The following PALM2AKAP2 variants were observed in gnomAD, a reference collection of about 807,000 sequenced individuals.
The protein encoded by PALM2AKAP2 is PALM2-AKAP2 fusion protein.
In PALM2AKAP2, 37 loss-of-function variants were observed where a neutral mutation model predicts 71.5. The observed-to-expected ratio is 0.52, with a 90% CI of 0.40 to 0.68. The LOEUF is 0.68. PALM2AKAP2 is among the 30% of genes least tolerant of loss of function. The pLI is 0.00. For synonymous variants in PALM2AKAP2, 468 were observed against 478.8 expected (o/e 0.98, Z 0.29); for missense variants, 1,224 against 1,191.8 (o/e 1.03, Z -0.40).
chr9:109,896,356 C>T lies in PALM2AKAP2; in HGVS notation c.257+15675C>T, dbSNP rs118135334. On this transcript the variant is annotated intron_variant, in intron 3 of 9. Coordinates refer to the PALM2AKAP2 transcript ENST00000302798. ...ATTCAAGATGAGATTTGGATGGGGA[C>T]ACAACGAAACCATATCAAATATTAA... is the stretch of plus-strand genomic sequence containing the variant. Among the ~76,000 whole-genome samples, 924 of 152,124 alleles carry T rather than the reference C, an allele frequency of 6.1e-3. 9 individuals carry two copies. Among genetic ancestry groups the T allele is most frequent in the East Asian group, 0.029 (149 of 5,174 alleles).
chr9:109,769,236 A>T (rs545125438), intron 1 of PALM2AKAP2, among the ~76,000 whole-genome samples: 1 of 152,314 alleles, frequency 6.6e-6, no homozygotes, highest in African/African-American at 2.4e-5. Context: ...CAATGGTCAT[A>T]TTCTTAGCAA....
At chr9:110,091,697 C>T (rs1214065202) in intron 1 of PALM2AKAP2, among the ~76,000 whole-genome samples, 1 of 152,018 alleles carries the variant, frequency 6.6e-6, no homozygotes, top group Non-Finnish European at 1.5e-5. Context: ...CTCCTGACCT[C>T]ATGATCTGCC....
rs186686963 is a variant in PALM2AKAP2 at position 110,166,961 on chromosome 9, C to T, written c.2749-1438C>T. ...AAGAAAAAGAGGTTTAATGGACTCACAGTTCCACATGGCTGGGGAGGCCTC... is the reference window on the plus strand; with the variant it reads ...AAGAAAAAGAGGTTTAATGGACTCATAGTTCCACATGGCTGGGGAGGCCTC... On this transcript the variant is annotated intron_variant, in intron 3 of 3. Coordinates refer to ENST00000374525, the Ensembl canonical transcript of PALM2AKAP2. Among the ~76,000 whole-genome samples, 206 of 152,288 alleles carry T rather than the reference C, an allele frequency of 1.4e-3. 2 individuals carry two copies. Among genetic ancestry groups the T allele is most frequent in the African/African-American group, 4.9e-3 (202 of 41,566 alleles).
At chr9:109,813,281 A>T (rs1587929578) in intron 1 of PALM2AKAP2, among the ~76,000 whole-genome samples, 1 of 152,246 alleles carries the variant, frequency 6.6e-6, no homozygotes, top group Admixed American at 6.5e-5. Flanking sequence ...GAGCTACACA[A>T]CATTAAAAGA....
intron 1 of PALM2AKAP2, among the ~76,000 whole-genome samples, chr9:110,075,434 C>G (rs1834298464): frequency 6.6e-6 from 1 of 151,972 alleles, no homozygotes; most frequent in African/African-American, 2.4e-5. Context: ...AAAAATAATG[C>G]ATGCTTATTA....
intron 1 of PALM2AKAP2, chr9:109,862,809 T>C: frequency 2.2e-6 from 1 of 463,444 alleles, no homozygotes; most frequent in Non-Finnish European, 4.3e-6. Context: ...AGATGAATTG[T>C]TTTTTGTCAA....
chr9:110,060,093 ATTTTGTTTTTGT>A (rs74631739), intron 1 of PALM2AKAP2, among the ~76,000 whole-genome samples: 32,226 of 150,340 alleles, frequency 0.21, 3,876 homozygotes, highest in Middle Eastern at 0.35. Flanking sequence ...GGGGCCAGGT[ATTTTGTTTTTGT>A]TTTTGTTTTT....
At chr9:110,067,976 G>A (rs964821844) in intron 1 of PALM2AKAP2, among the ~76,000 whole-genome samples, 4 of 151,090 alleles carry the variant, frequency 2.6e-5, no homozygotes, top group Non-Finnish European at 4.4e-5. Flanking sequence ...GAATAATGAC[G>A]AGGCTGCAGT....
intron 1 of PALM2AKAP2, among the ~76,000 whole-genome samples, chr9:109,691,623 T>A (rs1022479548): frequency 2.0e-5 from 3 of 151,446 alleles, no homozygotes; most frequent in Non-Finnish European, 4.4e-5. Context: ...TCATTCAGTC[T>A]TTTGGAAGTT....
At chr9:109,958,186 A>G (rs1831784319) in intron 6 of PALM2AKAP2, among the ~76,000 whole-genome samples, 1 of 152,024 alleles carries the variant, frequency 6.6e-6, no homozygotes, top group Non-Finnish European at 1.5e-5. Context: ...TGGAGAAATT[A>G]GGCCAAGAGA....
chr9:110,111,748 A>G (rs10980207), intron 1 of PALM2AKAP2, among the ~76,000 whole-genome samples: 39,128 of 152,058 alleles, frequency 0.26, 5,243 homozygotes, highest in African/African-American at 0.32. Context: ...GTGCTCAGAA[A>G]AACTAAAGGA....
At chr9:109,972,181 T>C (rs1832081125) in intron 6 of PALM2AKAP2, among the ~76,000 whole-genome samples, 1 of 152,188 alleles carries the variant, frequency 6.6e-6, no homozygotes, top group Middle Eastern at 3.2e-3. Context: ...TAAATACAAC[T>C]TCAACAGGTG....
At chr9:109,949,498 A>G (rs1333599273) in intron 6 of PALM2AKAP2, among the ~76,000 whole-genome samples, 2 of 152,230 alleles carry the variant, frequency 1.3e-5, no homozygotes, top group East Asian at 1.9e-4. Context: ...TAGTATTTTT[A>G]TAATGAAATC....
intron 1 of PALM2AKAP2, chr9:109,862,973 G>A (rs1463571892): frequency 2.0e-6 from 1 of 504,286 alleles, no homozygotes; most frequent in South Asian, 1.5e-5. Context: ...CTGTGAAATA[G>A]ACAGGAGCCT....
At chr9:109,761,621 G>A (rs528918877) in intron 1 of PALM2AKAP2, among the ~76,000 whole-genome samples, 6 of 152,300 alleles carry the variant, frequency 3.9e-5, no homozygotes, top group East Asian at 1.9e-4. Flanking sequence ...GGAACATGCC[G>A]TGTTTGGTTT....
At chr9:110,082,464 AT>A (rs534127846) in intron 1 of PALM2AKAP2, among the ~76,000 whole-genome samples, 46 of 152,362 alleles carry the variant, frequency 3.0e-4, no homozygotes, top group African/African-American at 9.9e-4. Context: ...AATAAAGTAT[AT>A]AAAAACAACC....
chr9:109,825,728 G>A (rs1194156930), intron 1 of PALM2AKAP2, among the ~76,000 whole-genome samples: 1 of 152,208 alleles, frequency 6.6e-6, no homozygotes, highest in African/African-American at 2.4e-5. Flanking sequence ...GTGCTGGAGA[G>A]GATGTGAAGA....
chr9:109,991,174 T>C (rs1832474097), intron 6 of PALM2AKAP2, among the ~76,000 whole-genome samples: 1 of 152,106 alleles, frequency 6.6e-6, no homozygotes, highest in African/African-American at 2.4e-5. Context: ...ATTTTCTCTA[T>C]GTCTCAGTTT....
intron 1 of PALM2AKAP2, among the ~76,000 whole-genome samples, chr9:110,056,358 A>G (rs892005976): frequency 1.3e-5 from 2 of 152,244 alleles, no homozygotes; most frequent in African/African-American, 2.4e-5. Flanking sequence ...GATACCGCCT[A>G]CAAATGGAGA....
Sources: gnomAD v4.1 joint callset for allele counts (sites outside exome capture counted in the v4.1 genomes callset) on GRCh38, gnomAD v4.1.1 for gene constraint, MANE v1.5 for transcripts, NCBI Gene and HGNC (gene_info 2026-07-23, HGNC 2026-07-21) for gene names.